The following PC variants were observed in gnomAD, a reference collection of about 807,000 sequenced individuals.
The protein encoded by PC is pyruvate carboxylase, mitochondrial.
In PC, 46 loss-of-function variants were observed where a neutral mutation model predicts 107.8. The observed-to-expected ratio is 0.43, with a 90% CI of 0.34 to 0.55. The LOEUF (loss-of-function observed/expected upper bound fraction) is 0.55, where lower values mean the gene tolerates loss of function less well. PC is among the 20% of genes least tolerant of loss of function. The probability of loss-of-function intolerance (pLI) is 0.04; values close to 1 mark genes in which losing one functional copy is unlikely to be tolerated. For missense variants in PC, 1,241 were observed against 1,643.1 expected, an observed-to-expected ratio of 0.76 and a Z score of 4.23; for synonymous variants, 662 against 684.7, an observed-to-expected ratio of 0.97 and a Z score of 0.52.
At chr11:66,887,921 C>T (rs555970152) in intron 3 of PC, among the ~76,000 whole-genome samples, 2 of 152,238 alleles carry the variant, frequency 1.3e-5, no homozygotes, top group Non-Finnish European at 1.5e-5. Context: ...GAATCCCTCC[C>T]GAGTCTTTTC....
At chr11:66,860,307 G>A (rs1421532467) in intron 12 of PC, 1 of 1,432,662 alleles carries the variant, frequency 7.0e-7, no homozygotes, top group South Asian at 1.2e-5. Context: ...AGTACCTCAG[G>A]CTCCCCTGTG....
intron 3 of PC, among the ~76,000 whole-genome samples, chr11:66,918,531 T>C (rs1948517090): frequency 6.6e-6 from 1 of 151,692 alleles, no homozygotes; most frequent in Non-Finnish European, 1.5e-5. Context: ...CGCCACCAAG[T>C]CCAGCTAATT....
chr11:66,864,774 G>C (rs1020679057), intron 11 of PC, among the ~76,000 whole-genome samples: 2 of 152,212 alleles, frequency 1.3e-5, no homozygotes, highest in Non-Finnish European at 2.9e-5. Context: ...CAGGTGGCTC[G>C]TGCCGCCTGC....
intron 3 of PC, among the ~76,000 whole-genome samples, chr11:66,923,319 G>A (rs145454337): frequency 0.037 from 5,475 of 147,122 alleles, 336 homozygotes; most frequent in African/African-American, 0.13. Flanking sequence ...CCAAGATTGC[G>A]CCACTGCACT....
chr11:66,869,637 A>G (rs1946643275), intron 9 of PC, among the ~76,000 whole-genome samples: 1 of 152,314 alleles, frequency 6.6e-6, no homozygotes, highest in South Asian at 2.1e-4. Context: ...GCCTTGCTGC[A>G]GAGTGCACAC....
At position 66,858,070 on chromosome 11, in the gene PC, T is replaced by C. The variant is rs761704963; in HGVS notation, c.1369-4687A>G. ...CTCCACCTTGACGGCAACAGGCTGG[T>C]GGAGCTGGGCACCGGGAGCCTCCGG... is the stretch of plus-strand genomic sequence containing the variant. On this transcript the variant is annotated intron_variant, in intron 12 of 22. Coordinates refer to ENST00000393960, the MANE Select transcript of PC (RefSeq NM_001040716.2). This position sits in a 1 kb window ranked among gnomAD's most constrained non-coding sequence, Gnocchi z 5.9. 1 of 1,609,456 alleles carries C rather than the reference T, an allele frequency of 6.2e-7. No individual in the cohort carries two copies. Among genetic ancestry groups the C allele is most frequent in the East Asian group, 2.2e-5 (1 of 44,830 alleles).
intron 3 of PC, among the ~76,000 whole-genome samples, chr11:66,916,591 T>C (rs1200616074): frequency 6.6e-6 from 1 of 152,154 alleles, no homozygotes; most frequent in Non-Finnish European, 1.5e-5. Flanking sequence ...AAGAAGGCAC[T>C]GGGTAAAGAT....
At position 66,849,643 on chromosome 11, in the gene PC, G is replaced by A; in HGVS notation, c.3115C>T (p.Leu1039=). The change falls in exon 21 of 23, where the codon CTG becomes TTG. Residue 1039 remains leucine (L), a synonymous_variant. Transcript: ENST00000393960. ...TCCTCTGCGATCTTGGGTCCCTGCA[G>A]GAAGAGGCGAGTATTCAGGCTATCC... The part of the protein sequence containing the change: ...PLDSLNTRLF[L]QGPKIAEEFE... The A allele has an allele frequency of 6.2e-7, 1 of 1,614,210 alleles. No homozygotes were observed.
intron 3 of PC, among the ~76,000 whole-genome samples, chr11:66,935,915 C>T (rs1000535091): frequency 2.0e-5 from 3 of 152,052 alleles, no homozygotes; most frequent in East Asian, 1.9e-4. Context: ...ACAGTCTTTA[C>T]AAAAAATACA....
intron 12 of PC, chr11:66,859,126 C>T (rs371781146): frequency 6.8e-7 from 1 of 1,476,678 alleles, no homozygotes; most frequent in Non-Finnish European, 9.0e-7. Context: ...CGGCTGCACT[C>T]CCGGCGCCCT....
intron 3 of PC, among the ~76,000 whole-genome samples, chr11:66,911,673 AG>A (rs1400208423): frequency 2.0e-5 from 3 of 152,194 alleles, no homozygotes; most frequent in African/African-American, 7.2e-5. Context: ...AACAATATAA[AG>A]TTAAATTAAT....
chr11:66,897,016 C>G (rs1489859080), intron 3 of PC, among the ~76,000 whole-genome samples: 2 of 152,154 alleles, frequency 1.3e-5, no homozygotes, highest in African/African-American at 4.8e-5. Context: ...ACTGCAACCT[C>G]TGCCCCCGGG....
chr11:66,956,945 G>A (rs1949573653), intron 1 of PC, among the ~76,000 whole-genome samples: 1 of 152,260 alleles, frequency 6.6e-6, no homozygotes, highest in African/African-American at 2.4e-5. Flanking sequence ...GCAGGACAAG[G>A]ATTGACCTCA....
Position 66,868,935 on chromosome 11 carries a change from C to A in PC, c.933G>T (p.Glu311Asp). The change falls in exon 10 of 23, where the codon GAG becomes GAT. Residue 311 changes from glutamate to aspartate, a missense_variant. This residue lies in a region of PC where 1,143 missense variants were observed against 1,551.9 expected (regional missense o/e 0.74). Transcript: ENST00000393960. ...QVGYENAGTVEFLVDRHGKHY... is the reference protein window; with the variant it reads ...QVGYENAGTVDFLVDRHGKHY... ...GCTTGCCGTGCCTGTCCACCAGGAA[C>A]TCCACGGTGCCTGCGTTCTCGTAGC... 1 of 1,613,902 alleles carries A rather than the reference C, an allele frequency of 6.2e-7. No individual in the cohort carries two copies. The highest frequency in any genetic ancestry group is 8.5e-7 in the Non-Finnish European group (1 of 1,179,994).
intron 2 of PC, among the ~76,000 whole-genome samples, chr11:66,953,877 C>T (rs1240477792): frequency 1.3e-5 from 2 of 152,082 alleles, no homozygotes; most frequent in South Asian, 2.1e-4. Context: ...TATGAGAGTC[C>T]GTCATTTGTA....
Position 66,899,939 on chromosome 11 carries a change from A to G in PC, c.1-27780T>C, listed in dbSNP as rs577037412. Among the ~76,000 whole-genome samples, 5 of 152,328 alleles carry G rather than the reference A, an allele frequency of 3.3e-5. No homozygotes were observed. The South Asian group carries it at 8.3e-4, about 25-fold the overall frequency. On this transcript the variant is annotated intron_variant, in intron 3 of 22. Transcript: ENST00000393960. ...TTGTATATGGTATGAGGTGGGGTCC[A>G]GTTCATTCCTGTGCATGCAGATATA...
chr11:66,894,562 G>A (rs893341341), intron 3 of PC, among the ~76,000 whole-genome samples: 1 of 152,254 alleles, frequency 6.6e-6, no homozygotes, highest in Non-Finnish European at 1.5e-5. Context: ...CGCAGCTCGC[G>A]TCAGCTGACC....
intron 12 of PC, among the ~76,000 whole-genome samples, chr11:66,859,442 C>A: frequency 6.6e-6 from 1 of 152,218 alleles, no homozygotes; most frequent in Non-Finnish European, 1.5e-5. Flanking sequence ...ATTCCCCTCG[C>A]TTGCCTGCGT....
chr11:66,921,435 A>C (rs1948593513), intron 3 of PC, among the ~76,000 whole-genome samples: 1 of 152,248 alleles, frequency 6.6e-6, no homozygotes, highest in Non-Finnish European at 1.5e-5. Flanking sequence ...GCATTGCGTC[A>C]GATGCTACTG....
Sources: allele counts gnomAD v4.1 joint callset (sites outside exome capture counted in the v4.1 genomes callset), GRCh38; gene constraint gnomAD v4.1.1; regional missense constraint gnomAD v4.1.1; non-coding constraint Gnocchi (gnomAD v3.1); transcripts MANE v1.5; gene names NCBI Gene and HGNC (gene_info 2026-07-23, HGNC 2026-07-21).